The following WASL variants were observed in gnomAD, a reference collection of about 807,000 sequenced individuals.
WASL encodes WASP like actin nucleation promoting factor, also known as actin nucleation-promoting factor WASL.
In WASL, 20 loss-of-function variants were observed where a neutral mutation model predicts 55.5. The observed-to-expected ratio is 0.36, with a 90% CI of 0.25 to 0.52. The LOEUF (loss-of-function observed/expected upper bound fraction) is 0.52, where lower values mean the gene tolerates loss of function less well. WASL is among the 20% of genes least tolerant of loss of function. WASL has a pLI of 0.92. For synonymous variants in WASL, 249 were observed against 217.6 expected (o/e 1.14, Z -1.27); for missense variants, 504 against 622.5 (o/e 0.81, Z 2.03).
intron 10 of WASL, among the ~76,000 whole-genome samples, chr7:123,686,318 T>C (rs191549120): frequency 1.3e-5 from 2 of 152,174 alleles, no homozygotes; most frequent in Admixed American, 1.3e-4. Context: ...GCAAGGGAAA[T>C]AATTTGCTAC....
intron 2 of WASL, 29 bp downstream of exon 2, chr7:123,709,060 G>C (rs947569939): frequency 6.3e-7 from 1 of 1,578,918 alleles, no homozygotes; most frequent in African/African-American, 1.4e-5. Context: ...TAATCACCTA[G>C]TTTAAAGTGA....
chr7:123,741,901 C>T (rs185150707), intron 1 of WASL, among the ~76,000 whole-genome samples: 39 of 152,250 alleles, frequency 2.6e-4, no homozygotes, highest in Admixed American at 2.2e-3. Context: ...TATGAGGAAT[C>T]CTGAATGTCC....
At position 123,684,436 on chromosome 7, in the gene WASL, A is replaced by T. The variant is rs1485439257; in HGVS notation, c.*83T>A. ...TACAGCAAATTGGTAGAACATTTAC[A>T]TGATAATTTTACAGAATCCACAGAC... is the stretch of plus-strand genomic sequence containing the variant. On this transcript the variant is annotated 3_prime_UTR_variant, in exon 11 of 11. Coordinates refer to ENST00000223023, the MANE Select transcript of WASL (RefSeq NM_003941.4). The T allele has an allele frequency of 2.1e-6, 1 of 472,764 alleles. No homozygotes were observed. The highest frequency in any genetic ancestry group is 3.2e-5 in the Admixed American group (1 of 31,114). 29.3% of individuals were successfully genotyped at this position (472,764 alleles called of 1,614,324 possible).
At chr7:123,730,233 A>C (rs1285321310) in intron 1 of WASL, among the ~76,000 whole-genome samples, 2 of 152,206 alleles carry the variant, frequency 1.3e-5, no homozygotes, top group Non-Finnish European at 2.9e-5. Context: ...AAAATGATAG[A>C]GGTCAGAAAC....
intron 4 of WASL, 114 bp downstream of exon 4, chr7:123,706,163 A>G: frequency 1.0e-6 from 1 of 980,126 alleles, no homozygotes; most frequent in Non-Finnish European, 1.5e-6. Context: ...ATGTAAACCA[A>G]TGAATACAGT....
At chr7:123,743,292 G>A (rs922427448) in intron 1 of WASL, among the ~76,000 whole-genome samples, 5 of 149,274 alleles carry the variant, frequency 3.3e-5, no homozygotes, top group Admixed American at 6.7e-5. Context: ...AGCCGAGATC[G>A]TGCCACTGCA....
chr7:123,736,902 T>C, intron 1 of WASL, among the ~76,000 whole-genome samples: 1 of 152,134 alleles, frequency 6.6e-6, no homozygotes, highest in East Asian at 1.9e-4. Context: ...CATATTAAAA[T>C]AGCCAGAAAA....
intron 1 of WASL, among the ~76,000 whole-genome samples, chr7:123,713,127 TAAAG>T (rs1472585971): frequency 6.6e-6 from 1 of 152,174 alleles, no homozygotes; most frequent in Non-Finnish European, 1.5e-5. Context: ...TATACAATGT[TAAAG>T]AAAATATTTA....
chr7:123,712,343 C>T (rs1401981225), intron 1 of WASL, among the ~76,000 whole-genome samples: 1 of 152,062 alleles, frequency 6.6e-6, no homozygotes, highest in Non-Finnish European at 1.5e-5. Flanking sequence ...TATACTTTGT[C>T]CCCAAGTGAA....
At chr7:123,693,726 G>A (rs943391576) in intron 8 of WASL, among the ~76,000 whole-genome samples, 1 of 152,218 alleles carries the variant, frequency 6.6e-6, no homozygotes, top group Admixed American at 6.5e-5. Flanking sequence ...AGCACTTTGG[G>A]AGGCCAAAGC....
intron 1 of WASL, among the ~76,000 whole-genome samples, chr7:123,712,201 T>G (rs1299105342): frequency 6.6e-6 from 1 of 152,144 alleles, no homozygotes; most frequent in African/African-American, 2.4e-5. Context: ...GTGTACCTTG[T>G]GTTACTCTGT....
At chr7:123,697,556 C>G (rs1333732021) in intron 5 of WASL, among the ~76,000 whole-genome samples, 1 of 152,188 alleles carries the variant, frequency 6.6e-6, no homozygotes. Flanking sequence ...ACATGTTCCT[C>G]AGAGATCCTA....
At chr7:123,705,041 C>A (rs1803646679) in intron 4 of WASL, among the ~76,000 whole-genome samples, 1 of 152,056 alleles carries the variant, frequency 6.6e-6, no homozygotes, top group South Asian at 2.1e-4. Context: ...AGTGATATAA[C>A]CTAATCTACA....
intron 1 of WASL, among the ~76,000 whole-genome samples, chr7:123,714,524 T>C (rs553949817): frequency 5.3e-5 from 8 of 152,318 alleles, no homozygotes; most frequent in East Asian, 1.9e-4. Context: ...CGGAGCCAGA[T>C]AGAAACAGCT....
At position 123,731,795 on chromosome 7, in the gene WASL, T is replaced by C. The variant is rs1288549331; in HGVS notation, c.117+16823A>G. On this transcript the variant is annotated intron_variant, in intron 1 of 10. Coordinates refer to ENST00000223023, the MANE Select transcript of WASL (RefSeq NM_003941.4). ...GAGTACAATGCAGGAAAAGCAGAAA[T>C]GTGCTAGAAAAGAAAAAGGATTTAA... 3.3e-5 allele frequency among the ~76,000 whole-genome samples: 5 copies of C among 151,892 alleles called. No homozygotes were observed. In the East Asian group the frequency reaches 9.7e-4, roughly 29 times the overall value.
intron 1 of WASL, among the ~76,000 whole-genome samples, chr7:123,728,765 G>A (rs1211350860): frequency 6.6e-6 from 1 of 151,930 alleles, no homozygotes; most frequent in Admixed American, 6.5e-5. Flanking sequence ...GAACGTGGGT[G>A]GCGGAGTTTG....
At chr7:123,742,403 A>T (rs1363304648) in intron 1 of WASL, among the ~76,000 whole-genome samples, 1 of 152,252 alleles carries the variant, frequency 6.6e-6, no homozygotes, top group Non-Finnish European at 1.5e-5. Context: ...TATTTTAATC[A>T]CACAAATGAA....
At chr7:123,721,897 T>G (rs1416442883) in intron 1 of WASL, among the ~76,000 whole-genome samples, 1 of 152,140 alleles carries the variant, frequency 6.6e-6, no homozygotes, top group African/African-American at 2.4e-5. Flanking sequence ...TGTTCTCTAT[T>G]TTTTAGAATG....
intron 1 of WASL, among the ~76,000 whole-genome samples, chr7:123,732,795 A>G (rs867210568): frequency 1.3e-5 from 2 of 152,336 alleles, no homozygotes; most frequent in Middle Eastern, 3.4e-3. Context: ...AATCAACAAC[A>G]TATTAGCAAA....
Sources: allele counts gnomAD v4.1 joint callset (sites outside exome capture counted in the v4.1 genomes callset), GRCh38; gene constraint gnomAD v4.1.1; transcripts MANE v1.5; gene names NCBI Gene and HGNC (gene_info 2026-07-23, HGNC 2026-07-21).